Variants in STK25 observed in about 807,000 individuals in gnomAD.
STK25 encodes serine/threonine-protein kinase 25.
In STK25, 29 loss-of-function variants were observed where a neutral mutation model predicts 53.8. That is an observed-to-expected ratio of 0.54 (90% CI 0.40 to 0.74). The LOEUF is 0.74. Ranked by LOEUF, STK25 falls within the 30% of genes least tolerant of loss-of-function variation. The pLI is 0.00. For missense variants in STK25, 420 were observed against 568.0 expected, an observed-to-expected ratio of 0.74 and a Z score of 2.65; for synonymous variants, 247 against 238.3, an observed-to-expected ratio of 1.04 and a Z score of -0.33.
intron 2 of STK25, 93 bp downstream of exon 2, chr2:241,507,913 C>G: frequency 7.5e-7 from 1 of 1,331,066 alleles, no homozygotes; most frequent in African/African-American, 1.5e-5. Flanking sequence ...CCCCACTGCC[C>G]GCTCCGGCGT....
intron 2 of STK25, among the ~76,000 whole-genome samples, chr2:241,506,924 G>A (rs73008138): frequency 0.053 from 8,124 of 152,214 alleles, 286 homozygotes; most frequent in East Asian, 0.12. Flanking sequence ...CTGTGACCAC[G>A]CAGGTCCAGG....
chr2:241,505,810 C>G (rs561026870), intron 2 of STK25, among the ~76,000 whole-genome samples: 1 of 152,216 alleles, frequency 6.6e-6, no homozygotes, highest in South Asian at 2.1e-4. Context: ...TCCCCACCCC[C>G]ACCTGGAGAA....
At position 241,500,784 on chromosome 2, in the gene STK25, A is replaced by G; in HGVS notation, c.274T>C (p.Trp92Arg). The change falls in exon 4 of 12, where the codon TGG (tryptophan) becomes CGG (arginine). Residue 92 changes from tryptophan (W) to arginine (R), a missense_variant. Physicochemically the swap from Trp to Arg is moderately radical, Grantham distance 101 (BLOSUM62 -3). Transcript: ENST00000316586. ...CCGCCCAGGTACTCCATGATGATCC[A>G]TAGCTTGGTGCTCTGGGACCGGAGA... Reference protein sequence around the residue: ...FGSYLKSTKLWIIMEYLGGGS... With the variant: ...FGSYLKSTKLRIIMEYLGGGS... 2 of 1,613,906 alleles carry G rather than the reference A, an allele frequency of 1.2e-6. No homozygotes were observed. Among genetic ancestry groups the G allele is most frequent in the Non-Finnish European group, 1.7e-6 (2 of 1,179,904 alleles).
At position 241,497,630 on chromosome 2, in the gene STK25, G is replaced by A; in HGVS notation, c.1090C>T (p.Pro364Ser). The change falls in exon 10 of 12, where the codon CCC (proline) becomes TCC (serine). Residue 364 changes from proline to serine, a missense_variant. Coordinates refer to ENST00000316586, the MANE Select transcript of STK25 (RefSeq NM_001271977.2). ...CCCATCCTCACCTCTCCGAAGACGG[G>A]CCGGACCAGCGTGGACAGGCACTGG... ...RSQCLSTLVR[P>S]VFGELKEKHK... 1.2e-6 allele frequency: 2 copies of A among 1,613,512 alleles called. No homozygotes were observed. The highest frequency in any genetic ancestry group is 1.7e-6 in the Non-Finnish European group (2 of 1,180,002).
chr2:241,493,467 T>A lies in STK25; in HGVS notation c.*2195A>T. On this transcript the variant is annotated 3_prime_UTR_variant, in exon 12 of 12. Coordinates refer to ENST00000316586, the MANE Select transcript of STK25 (RefSeq NM_001271977.2). The stretch of plus-strand genomic sequence containing the variant: ...AAGGTAATTTTGCAGGAGGCAGCCC[T>A]GGTCAGCTGCCCATTTCGATGTCCG... 1.2e-6 allele frequency: 2 copies of A among 1,610,062 alleles called. No individual in the cohort carries two copies. The highest frequency in any genetic ancestry group is 1.7e-6 in the Non-Finnish European group (2 of 1,176,850).
rs1362932402 is a variant in STK25, at chr2:241,503,536, C to T, written c.31-1828G>A. Among the ~76,000 whole-genome samples, 4 of 151,132 alleles carry T rather than the reference C, an allele frequency of 2.6e-5. No homozygotes were observed. The East Asian group carries it at 8.0e-4, about 30-fold the overall frequency. ...GACCACCCTGGCTAACATGGTGAAA[C>T]CCCGTCTCTACTAAAAAATACAAAA... On this transcript the variant is annotated intron_variant, in intron 2 of 11. Transcript: ENST00000316586.
chr2:241,507,457 G>GAGC (rs1162264508), intron 2 of STK25, among the ~76,000 whole-genome samples: 1 of 152,236 alleles, frequency 6.6e-6, no homozygotes, highest in Non-Finnish European at 1.5e-5. Context: ...GGTCCTGACA[G>GAGC]AGCAGCCTTT....
At position 241,508,086 on chromosome 2, in the gene STK25, C is replaced by T. The variant is rs780315727; in HGVS notation, c.-51G>A. ...CAGCAGCCCCAGGAGGCGTCTGGATCCCGCGGAGAGGCGCGGAGCCGGCTA... is the reference window on the plus strand; with the variant it reads ...CAGCAGCCCCAGGAGGCGTCTGGATTCCGCGGAGAGGCGCGGAGCCGGCTA... On this transcript the variant is annotated 5_prime_UTR_variant, in exon 2 of 12. Coordinates refer to ENST00000316586, the MANE Select transcript of STK25 (RefSeq NM_001271977.2). The T allele has an allele frequency of 6.4e-7, 1 of 1,570,204 alleles. No individual in the cohort carries two copies. Among genetic ancestry groups the T allele is most frequent in the Non-Finnish European group, 8.6e-7 (1 of 1,159,830 alleles).
At chr2:241,505,902 G>A (rs904248987) in intron 2 of STK25, among the ~76,000 whole-genome samples, 3 of 152,262 alleles carry the variant, frequency 2.0e-5, no homozygotes, top group African/African-American at 4.8e-5. Flanking sequence ...ATGATCACTC[G>A]GGCCACTCAG....
At chr2:241,505,494 C>T (rs1453785755) in intron 2 of STK25, among the ~76,000 whole-genome samples, 1 of 152,150 alleles carries the variant, frequency 6.6e-6, no homozygotes, top group Non-Finnish European at 1.5e-5. Flanking sequence ...AGCACCACCA[C>T]CCCTCCGACT....
chr2:241,503,310 C>G (rs947852828), intron 2 of STK25, among the ~76,000 whole-genome samples: 11 of 151,840 alleles, frequency 7.2e-5, no homozygotes, highest in African/African-American at 2.7e-4. Flanking sequence ...GGTGATCTGC[C>G]CATCTCAGCC....
chr2:241,494,300 C>T lies in STK25; in HGVS notation c.*1362G>A, dbSNP rs941402706. The T allele has an allele frequency of 2.0e-4, 82 of 415,758 alleles. No homozygotes were observed. The highest frequency in any genetic ancestry group is 1.4e-3 in the African/African-American group (68 of 48,538). The allele number at this position is 415,758 out of a possible 1,614,324, so 25.8% of individuals were successfully genotyped here. On this transcript the variant is annotated 3_prime_UTR_variant, in exon 12 of 12. Coordinates refer to ENST00000316586, the MANE Select transcript of STK25 (RefSeq NM_001271977.2). The surrounding 1 kb of genome is among the most constrained non-coding windows in gnomAD (Gnocchi z 4.9). ...ATCTGGGAGGGGCTTCATCCCCCCA[C>T]CCAGGACCTAGTGCATGCCAGCAGC...
At chr2:241,497,960 T>C (rs7592992) in intron 9 of STK25, among the ~76,000 whole-genome samples, 35,007 of 95,758 alleles carry the variant, frequency 0.37, 6,615 homozygotes, top group Admixed American at 0.47. Context: ...CTCTGAGGGC[T>C]TGTGACTCCC....
chr2:241,493,176 C>A lies in STK25; in HGVS notation c.*2486G>T. On this transcript the variant is annotated 3_prime_UTR_variant, in exon 12 of 12. Transcript: ENST00000316586. ...ACCCTGTGCTGTGTGAACAGGGAAA[C>A]TGGCTCCCTTGGCCCGTGGGCATTT... 1 of 1,288,210 alleles carries A rather than the reference C, an allele frequency of 7.8e-7. No individual in the cohort carries two copies. The highest frequency in any genetic ancestry group is 1.1e-6 in the Non-Finnish European group (1 of 902,330). The allele number at this position is 1,288,210 out of a possible 1,614,324, so 79.8% of individuals were successfully genotyped here.
At chr2:241,507,001 G>A (rs965269063) in intron 2 of STK25, among the ~76,000 whole-genome samples, 3 of 152,132 alleles carry the variant, frequency 2.0e-5, no homozygotes, top group African/African-American at 7.2e-5. Context: ...CTCCAAAGCA[G>A]CCCTGACTCC....
At chr2:241,505,553 G>A (rs989373555) in intron 2 of STK25, among the ~76,000 whole-genome samples, 1 of 152,196 alleles carries the variant, frequency 6.6e-6, no homozygotes, top group African/African-American at 2.4e-5. Context: ...TCTACTCCCT[G>A]CTCCCTGCTG....
chr2:241,508,589 AG>A, upstream of STK25: 1 of 988,916 alleles, frequency 1.0e-6, no homozygotes, highest in South Asian at 4.5e-5. Context: ...GAAAGCCCGG[AG>A]GCGACGGCGA....
At chr2:241,499,456 G>A (rs562280750) in intron 5 of STK25, 42 bp from the exon 6 acceptor site, 21 of 1,598,842 alleles carry the variant, frequency 1.3e-5, no homozygotes, top group South Asian at 1.0e-4. Flanking sequence ...CAGGCTCCAC[G>A]TGGCTCCACC....
upstream of STK25, chr2:241,508,782 G>C (rs960457315): frequency 3.1e-6 from 3 of 981,046 alleles, no homozygotes; most frequent in Admixed American, 1.8e-4. Context: ...CTCCCGAAAG[G>C]TTTGGACTGC....
Sources: gnomAD v4.1 joint callset for allele counts (sites outside exome capture counted in the v4.1 genomes callset) on GRCh38, gnomAD v4.1.1 for gene constraint, Gnocchi (gnomAD v3.1) non-coding constraint, MANE v1.5 for transcripts, NCBI Gene and HGNC (gene_info 2026-07-23, HGNC 2026-07-21) for gene names.